The following KIRREL3 variants were observed in gnomAD, a reference collection of about 807,000 sequenced individuals.
KIRREL3 encodes the protein kirre like nephrin family adhesion molecule 3.
In KIRREL3, 36 loss-of-function variants were observed where a neutral mutation model predicts 89.7. The observed-to-expected ratio is 0.40, with a 90% CI of 0.31 to 0.53. KIRREL3 has a LOEUF of 0.53. Ranked by LOEUF, KIRREL3 falls within the 20% of genes least tolerant of loss-of-function variation. The probability of loss-of-function intolerance (pLI) is 0.49; values close to 1 mark genes in which losing one functional copy is unlikely to be tolerated. For missense variants in KIRREL3, 864 were observed against 1,056.6 expected (o/e 0.82, Z 2.53); for synonymous variants, 445 against 441.4 (o/e 1.01, Z -0.10).
intron 1 of KIRREL3, among the ~76,000 whole-genome samples, chr11:126,845,616 C>T (rs1191264433): frequency 4.6e-5 from 7 of 152,032 alleles, no homozygotes; most frequent in Admixed American, 1.3e-4. Context: ...ACCATGTGGC[C>T]GTCCTTTCTC....
intron 1 of KIRREL3, among the ~76,000 whole-genome samples, chr11:126,721,043 C>G (rs1948152109): frequency 6.6e-6 from 1 of 152,250 alleles, no homozygotes; most frequent in Admixed American, 6.5e-5. Context: ...GGGAGGGAGC[C>G]CTGAAATGAG....
chr11:126,546,973 G>T (rs1005850477), intron 2 of KIRREL3, among the ~76,000 whole-genome samples: 2 of 152,154 alleles, frequency 1.3e-5, no homozygotes, highest in Non-Finnish European at 2.9e-5. Flanking sequence ...CATTATTATT[G>T]TTATTTGTTT....
chr11:126,998,555 C>T (rs911102415), intron 1 of KIRREL3, among the ~76,000 whole-genome samples: 1 of 152,170 alleles, frequency 6.6e-6, no homozygotes. Context: ...CTAGCGCTCT[C>T]AGGACTCGGG....
chr11:126,894,726 G>A (rs775523509), intron 1 of KIRREL3, among the ~76,000 whole-genome samples: 1 of 151,902 alleles, frequency 6.6e-6, no homozygotes, highest in Non-Finnish European at 1.5e-5. Context: ...TCCAGCCTGG[G>A]CAACAGAGAG....
chr11:126,818,200 C>G lies in KIRREL3; in HGVS notation c.55+182255G>C, dbSNP rs148590259. The stretch of plus-strand genomic sequence containing the variant: ...GGACAGAAGCCAGCTGCGTGCCAGA[C>G]GAAGTGTTTTCACAGCTGGGGAAAG... On this transcript the variant is annotated intron_variant, in intron 1 of 16. Transcript: ENST00000525144. Among the ~76,000 whole-genome samples the G allele has an allele frequency of 2.0e-5, 3 of 152,110 alleles. No individual in the cohort carries two copies. In the South Asian group the frequency reaches 6.2e-4, roughly 32 times the overall value.
chr11:126,907,490 G>T (rs1258785692), intron 1 of KIRREL3, among the ~76,000 whole-genome samples: 1 of 152,198 alleles, frequency 6.6e-6, no homozygotes, highest in East Asian at 1.9e-4. Flanking sequence ...ATGGCTTGCA[G>T]ACGCCAGGCC....
Position 126,780,338 on chromosome 11 carries a change from G to A in KIRREL3, c.56-217426C>T, listed in dbSNP as rs554316646. On this transcript the variant is annotated intron_variant, in intron 1 of 16. Coordinates refer to ENST00000525144, the MANE Select transcript of KIRREL3 (RefSeq NM_032531.4). The surrounding 1 kb of genome is among the most constrained non-coding windows in gnomAD (Gnocchi z 5.3). ...AGAGAGCCTTAGCTTTTTACTGAAT[G>A]TAATTAATGACATTGTGGCTTTAAA... Among the ~76,000 whole-genome samples, 1 of 152,280 alleles carries A rather than the reference G, an allele frequency of 6.6e-6. No homozygotes were observed. Among genetic ancestry groups the A allele is most frequent in the Non-Finnish European group, 1.5e-5 (1 of 68,034 alleles).
chr11:126,956,095 T>C (rs1948914513), intron 1 of KIRREL3, among the ~76,000 whole-genome samples: 1 of 152,318 alleles, frequency 6.6e-6, no homozygotes, highest in South Asian at 2.1e-4. Flanking sequence ...ATCCCATTCC[T>C]ACCAGCTTCC....
At chr11:126,889,020 G>A (rs780276776) in intron 1 of KIRREL3, among the ~76,000 whole-genome samples, 5 of 152,164 alleles carry the variant, frequency 3.3e-5, no homozygotes, top group African/African-American at 4.8e-5. Context: ...ACTTACCCAA[G>A]GGGTGTGCCT....
Position 126,612,836 on chromosome 11 carries a change from A to G in KIRREL3, c.56-49924T>C, listed in dbSNP as rs188572531. ...AGTACTTTATTCCTTTGTATGGGTG[A>G]GTAACATTCCATGGCATAGCTATAA... is the stretch of plus-strand genomic sequence containing the variant. On this transcript the variant is annotated intron_variant, in intron 1 of 16. Coordinates refer to ENST00000525144, the MANE Select transcript of KIRREL3 (RefSeq NM_032531.4). This position sits in a 1 kb window ranked among gnomAD's most constrained non-coding sequence, Gnocchi z 4.5. 2.2e-4 allele frequency among the ~76,000 whole-genome samples: 34 copies of G among 152,346 alleles called. No individual in the cohort carries two copies. The highest frequency in any genetic ancestry group is 1.8e-3 in the Admixed American group (27 of 15,304).
rs1345850800 is a variant in KIRREL3 at position 126,747,999 on chromosome 11, C to A, written c.56-185087G>T. Reference sequence around the variant, plus strand: ...CAGTCTCCATCTGACCCGTGCCTAGCATCGTGGCCCCTGTAAAGGGCTCTT... The same window carrying A: ...CAGTCTCCATCTGACCCGTGCCTAGAATCGTGGCCCCTGTAAAGGGCTCTT... On this transcript the variant is annotated intron_variant, in intron 1 of 16. Coordinates refer to ENST00000525144, the MANE Select transcript of KIRREL3 (RefSeq NM_032531.4). The surrounding 1 kb of genome is among the most constrained non-coding windows in gnomAD (Gnocchi z 4.7). Among the ~76,000 whole-genome samples the A allele has an allele frequency of 6.6e-6, 1 of 152,188 alleles. No individual in the cohort carries two copies. Among genetic ancestry groups the A allele is most frequent in the South Asian group, 2.1e-4 (1 of 4,826 alleles).
intron 1 of KIRREL3, among the ~76,000 whole-genome samples, chr11:126,835,592 A>G (rs1366835060): frequency 6.6e-6 from 1 of 152,232 alleles, no homozygotes; most frequent in East Asian, 1.9e-4. Context: ...CCTAGCCCCA[A>G]GGAATTTATA....
intron 1 of KIRREL3, among the ~76,000 whole-genome samples, chr11:126,889,567 T>G (rs1167623489): frequency 6.6e-6 from 1 of 152,218 alleles, no homozygotes; most frequent in East Asian, 1.9e-4. Context: ...TGATTACCAC[T>G]CAAGTCTTGT....
In KIRREL3 at chr11:126,736,285, G is replaced by A. The variant is rs1948796524; in HGVS notation, c.56-173373C>T. On this transcript the variant is annotated intron_variant, in intron 1 of 16. Transcript: ENST00000525144. The surrounding 1 kb of genome is among the most constrained non-coding windows in gnomAD (Gnocchi z 5.0). ...ACACATTTCCTCATTTAATACTCTT[G>A]TGAAATGTGCACTATCATCTCCATT... 6.6e-6 allele frequency among the ~76,000 whole-genome samples: 1 copy of A among 152,178 alleles called. No homozygotes were observed. Among genetic ancestry groups the A allele is most frequent in the African/African-American group, 2.4e-5 (1 of 41,438 alleles).
chr11:126,499,025 T>C (rs2134360396), intron 4 of KIRREL3, among the ~76,000 whole-genome samples: 1 of 151,938 alleles, frequency 6.6e-6, no homozygotes, highest in East Asian at 1.9e-4. Context: ...TGGTGGCACA[T>C]GCCTGTAATC....
chr11:126,493,248 G>A (rs187937561), intron 4 of KIRREL3, among the ~76,000 whole-genome samples: 47 of 152,262 alleles, frequency 3.1e-4, no homozygotes, highest in African/African-American at 9.4e-4. Context: ...TGGGCTGGGC[G>A]CGGTGGCTCA....
chr11:126,657,913 C>T (rs899067900), intron 1 of KIRREL3, among the ~76,000 whole-genome samples: 14 of 152,184 alleles, frequency 9.2e-5, no homozygotes, highest in African/African-American at 2.9e-4. Context: ...AGATCAAGAC[C>T]ACCCAGCCCA....
In KIRREL3 at chr11:126,898,940, C is replaced by A. The variant is rs1592309571; in HGVS notation, c.55+101515G>T. Among the ~76,000 whole-genome samples, 1 of 152,014 alleles carries A rather than the reference C, an allele frequency of 6.6e-6. No homozygotes were observed. The highest frequency in any genetic ancestry group is 1.5e-5 in the Non-Finnish European group (1 of 68,026). On this transcript the variant is annotated intron_variant, in intron 1 of 16. Transcript: ENST00000525144. This position sits in a 1 kb window ranked among gnomAD's most constrained non-coding sequence, Gnocchi z 4.9. The stretch of plus-strand genomic sequence containing the variant: ...CCCCCTTTCCCAACTGTCCTCCAAA[C>A]CTCCTTTATCCTCTTGAACAATCAG...
rs971157644 is a variant in KIRREL3 at position 126,564,873 on chromosome 11, C to T, written c.56-1961G>A. On this transcript the variant is annotated intron_variant, in intron 1 of 16. Transcript: ENST00000525144. The surrounding 1 kb of genome is among the most constrained non-coding windows in gnomAD (Gnocchi z 7.4). ...GGGAGACTGTATTGAAACCTCAACA[C>T]GCTGACGACAGGCAGAGTTAACCAG... Among the ~76,000 whole-genome samples, 2 of 152,214 alleles carry T rather than the reference C, an allele frequency of 1.3e-5. No homozygotes were observed. The highest frequency in any genetic ancestry group is 6.5e-5 in the Admixed American group (1 of 15,282).
Sources: gnomAD v4.1 joint callset for allele counts (sites outside exome capture counted in the v4.1 genomes callset) on GRCh38, gnomAD v4.1.1 for gene constraint, Gnocchi (gnomAD v3.1) non-coding constraint, MANE v1.5 for transcripts, NCBI Gene and HGNC (gene_info 2026-07-23, HGNC 2026-07-21) for gene names.